The following CD63 variants were observed in gnomAD, a reference collection of about 807,000 sequenced individuals.
CD63 encodes the protein CD63 antigen.
Under a neutral mutation model 29.2 loss-of-function variants are expected in CD63, and 16 were observed. That is an observed-to-expected ratio of 0.55 (90% CI 0.37 to 0.83). The LOEUF (loss-of-function observed/expected upper bound fraction) is 0.83, where lower values mean the gene tolerates loss of function less well. Ranked by LOEUF, CD63 falls within the 40% of genes least tolerant of loss-of-function variation. The pLI is 0.00. For synonymous variants in CD63, 118 were observed against 111.7 expected (o/e 1.06, Z -0.36); for missense variants, 251 against 297.3 (o/e 0.84, Z 1.15).
rs781069687 is a variant in CD63 at position 55,727,154 on chromosome 12, G to T, written c.252C>A (p.Ile84=). ...GTTGGTCCCGCCCCCAACTCACCGT[G>T]ATCATAAGACAATAGTTCTCCTTGC... is the stretch of plus-strand genomic sequence containing the variant. ...GACKENYCLM[I]TFAIFLSLIM... Residue 84 remains isoleucine, a synonymous_variant, in exon 3 of 8, where the codon ATC becomes ATA. Coordinates refer to ENST00000257857, the MANE Select transcript of CD63 (RefSeq NM_001780.6). 1.9e-6 allele frequency: 3 copies of T among 1,612,730 alleles called. No individual in the cohort carries two copies. The Admixed American group carries it at 5.0e-5, about 27-fold the overall frequency.
At chr12:55,723,686 G>T, downstream of CD63, 4 of 619,232 alleles carry the variant, frequency 6.5e-6, no homozygotes, top group Non-Finnish European at 1.1e-5. Context: ...GCTGACCCCT[G>T]CTCTAGATCA....
At chr12:55,724,041 T>C, downstream of CD63, 1 of 1,609,972 alleles carries the variant, frequency 6.2e-7, no homozygotes, top group Non-Finnish European at 8.5e-7. Context: ...GGGGCCTTCC[T>C]CACCAAGTGT....
chr12:55,723,724 C>T (rs1237604766), downstream of CD63: 2 of 754,090 alleles, frequency 2.7e-6, no homozygotes, highest in East Asian at 2.7e-5. Flanking sequence ...AAATACTTTC[C>T]TCCCTCTACC....
intron 2 of CD63, chr12:55,727,705 C>A: frequency 9.5e-7 from 1 of 1,053,090 alleles, no homozygotes; most frequent in Non-Finnish European, 1.1e-6. Context: ...ATCCCACGCG[C>A]GCATCAGCTG....
intron 6 of CD63, 38 bp downstream of exon 6, chr12:55,726,083 C>A (rs761028003): frequency 6.2e-7 from 1 of 1,610,186 alleles, no homozygotes; most frequent in South Asian, 1.1e-5. Context: ...AAAACATTTC[C>A]CAGGTTTCCC....
chr12:55,728,172 TG>T lies in CD63; in HGVS notation c.66+103del. The T allele has an allele frequency of 9.4e-7, 1 of 1,064,374 alleles. No individual in the cohort carries two copies. The highest frequency in any genetic ancestry group is 1.4e-6 in the Non-Finnish European group (1 of 707,412). 65.9% of individuals were successfully genotyped at this position (1,064,374 alleles called of 1,614,324 possible). On this transcript the variant is annotated intron_variant, in intron 2 of 7. Coordinates refer to ENST00000257857, the MANE Select transcript of CD63 (RefSeq NM_001780.6). This position sits in a 1 kb window ranked among gnomAD's most constrained non-coding sequence, Gnocchi z 4.8. ...CTTTCCCTGGCTTTCTTTCCACATC[TG>T]GTCTCCAGCTGCCTTAATTCTCATT...
At chr12:55,727,111 C>T (rs1877480368) in intron 3 of CD63, 40 bp downstream of exon 3, 1 of 1,594,680 alleles carries the variant, frequency 6.3e-7, no homozygotes, top group East Asian at 2.2e-5. Context: ...GCTGCTCTGG[C>T]AGTCCCAGAC....
downstream of CD63, chr12:55,724,749 C>T: frequency 1.6e-6 from 1 of 644,158 alleles, no homozygotes; most frequent in Non-Finnish European, 2.8e-6. Context: ...CCGACATGCT[C>T]ACGGTCTCTG....
chr12:55,729,149 C>T (rs544984302), upstream of CD63: 2,454 of 985,076 alleles, frequency 2.5e-3, 3 homozygotes, highest in Non-Finnish European at 2.5e-3. Context: ...CTGGGCCCGG[C>T]GCGGGGTGGG....
chr12:55,727,445 G>C lies in CD63; in HGVS notation c.67-106C>G, dbSNP rs563854963. On this transcript the variant is annotated intron_variant, in intron 2 of 7. Coordinates refer to ENST00000257857, the MANE Select transcript of CD63 (RefSeq NM_001780.6). ...GACACAGACTTGACCCCATCCGGAA[G>C]AGAGATTCTCACACCTCTAGGGAAT... The C allele has an allele frequency of 3.9e-5, 50 of 1,279,258 alleles. No individual in the cohort carries two copies. The African/African-American group carries it at 5.4e-4, about 14-fold the overall frequency. 79.2% of individuals were successfully genotyped at this position (1,279,258 alleles called of 1,614,324 possible). A position where few individuals can be genotyped will look rare whatever the true frequency, so the allele number is the denominator to read the frequency against.
At chr12:55,727,634 C>A in intron 2 of CD63, 1 of 1,150,046 alleles carries the variant, frequency 8.7e-7, no homozygotes, top group Non-Finnish European at 1.1e-6. Flanking sequence ...TTTCTACAGG[C>A]CTCCAGGGCT....
chr12:55,727,379 C>T (rs1488692887), intron 2 of CD63, 40 bp from the exon 3 acceptor site: 1 of 1,562,752 alleles, frequency 6.4e-7, no homozygotes, highest in South Asian at 1.1e-5. Flanking sequence ...ATATCCACAA[C>T]ACAGTGGCCC....
downstream of CD63, chr12:55,725,286 C>T (rs537498121): frequency 1.4e-5 from 7 of 513,726 alleles, no homozygotes; most frequent in East Asian, 2.4e-4. Flanking sequence ...GAAAGCACCA[C>T]AGTCTCTGGA....
Position 55,726,591 on chromosome 12 carries a change from C to T in CD63, c.426+109G>A, listed in dbSNP as rs1237199968. The T allele has an allele frequency of 3.5e-6, 3 of 859,592 alleles. No homozygotes were observed. In the Admixed American group the frequency reaches 5.5e-5, roughly 16 times the overall value. The allele number at this position is 859,592 out of a possible 1,614,324, so 53.2% of individuals were successfully genotyped here. A position where few individuals can be genotyped will look rare whatever the true frequency, so the allele number is the denominator to read the frequency against. ...AACTTCTGACCTCAGGTGATCTGCC[C>T]ACCTCGGCCTTCAAAAGTGCTGAGA... On this transcript the variant is annotated intron_variant, in intron 5 of 7. Coordinates refer to ENST00000257857, the MANE Select transcript of CD63 (RefSeq NM_001780.6).
chr12:55,725,216 A>G (rs961593141), downstream of CD63: 2 of 349,812 alleles, frequency 5.7e-6, no homozygotes. Context: ...GCTTTGACTT[A>G]TGCAGCAGAT....
chr12:55,728,554 G>C lies in CD63; in HGVS notation c.-11-202C>G. ...GTGGGGGCGACGGCCGCGAAGCCCG[G>C]ACCCCGCCCCGCCGCCTCTGGGGCC... On this transcript the variant is annotated intron_variant, in intron 1 of 7. Coordinates refer to ENST00000257857, the MANE Select transcript of CD63 (RefSeq NM_001780.6). This position sits in a 1 kb window ranked among gnomAD's most constrained non-coding sequence, Gnocchi z 4.8. 1 of 1,428,162 alleles carries C rather than the reference G, an allele frequency of 7.0e-7. No homozygotes were observed. Among genetic ancestry groups the C allele is most frequent in the South Asian group, 1.5e-5 (1 of 67,424 alleles). The allele number at this position is 1,428,162 out of a possible 1,614,324, so 88.5% of individuals were successfully genotyped here. A position where few individuals can be genotyped will look rare whatever the true frequency, so the allele number is the denominator to read the frequency against.
chr12:55,726,864 G>A, intron 4 of CD63, 26 bp downstream of exon 4: 1 of 1,611,454 alleles, frequency 6.2e-7, no homozygotes, highest in South Asian at 1.1e-5. Context: ...GGCTGAGGCA[G>A]GCCCTTCCCA....
At chr12:55,725,046 C>T (rs1877151868), downstream of CD63, among the ~76,000 whole-genome samples, 1 of 152,194 alleles carries the variant, frequency 6.6e-6, no homozygotes, top group Non-Finnish European at 1.5e-5. Context: ...ACTGACCACA[C>T]AGGTGTCAAG....
rs898856305 is a variant in CD63 at position 55,728,428 on chromosome 12, T to C, written c.-11-76A>G. ...CGGTTTCCGGGCTCCCGGCCGGCCC[T>C]CGAGGGCTTCCCTTCACGGCCCCGA... On this transcript the variant is annotated intron_variant, in intron 1 of 7. Coordinates refer to ENST00000257857, the MANE Select transcript of CD63 (RefSeq NM_001780.6). The surrounding 1 kb of genome is among the most constrained non-coding windows in gnomAD (Gnocchi z 4.8). 3.9e-6 allele frequency: 6 copies of C among 1,542,096 alleles called. No homozygotes were observed. In the African/African-American group the frequency reaches 8.2e-5, roughly 21 times the overall value.
Sources: allele counts gnomAD v4.1 joint callset (sites outside exome capture counted in the v4.1 genomes callset), GRCh38; gene constraint gnomAD v4.1.1; non-coding constraint Gnocchi (gnomAD v3.1); transcripts MANE v1.5; gene names NCBI Gene and HGNC (gene_info 2026-07-23, HGNC 2026-07-21).